Variants in LRRC4C observed in about 807,000 individuals in gnomAD.
The protein encoded by LRRC4C is leucine-rich repeat-containing protein 4C.
In LRRC4C, 5 loss-of-function variants were observed where a neutral mutation model predicts 33.6. The observed-to-expected ratio is 0.15, with a 90% CI of 0.08 to 0.31. The LOEUF (loss-of-function observed/expected upper bound fraction) is 0.31, where lower values mean the gene tolerates loss of function less well. LRRC4C is among the 10% of genes least tolerant of loss of function. The probability of loss-of-function intolerance (pLI) is 1.00; values close to 1 mark genes in which losing one functional copy is unlikely to be tolerated. For synonymous variants in LRRC4C, 329 were observed against 302.0 expected (o/e 1.09, Z -0.93); for missense variants, 560 against 796.7 (o/e 0.70, Z 3.58).
chr11:40,730,768 A>AC, intron 2 of LRRC4C, among the ~76,000 whole-genome samples: 1 of 152,106 alleles, frequency 6.6e-6, no homozygotes, highest in Middle Eastern at 3.4e-3. Flanking sequence ...ATTGAGTGTT[A>AC]CCTTCATTCT....
intron 3 of LRRC4C, among the ~76,000 whole-genome samples, chr11:40,517,561 C>A (rs184670669): frequency 8.1e-4 from 124 of 152,166 alleles, no homozygotes; most frequent in Admixed American, 2.0e-3. Flanking sequence ...CCAATCAGAC[C>A]ACACTGACAG....
At chr11:40,384,595 C>G (rs1339360652) in intron 3 of LRRC4C, among the ~76,000 whole-genome samples, 1 of 152,132 alleles carries the variant, frequency 6.6e-6, no homozygotes, top group African/African-American at 2.4e-5. Flanking sequence ...AACCATCTGA[C>G]AAGAATACCA....
At chr11:41,417,187 A>G (rs757315650) in intron 1 of LRRC4C, among the ~76,000 whole-genome samples, 1 of 152,064 alleles carries the variant, frequency 6.6e-6, no homozygotes, top group African/African-American at 2.4e-5. Context: ...ATCACAGGAT[A>G]TATACTCAGT....
At chr11:41,258,952 G>A (rs1387146815) in intron 1 of LRRC4C, among the ~76,000 whole-genome samples, 1 of 151,950 alleles carries the variant, frequency 6.6e-6, no homozygotes, top group Non-Finnish European at 1.5e-5. Context: ...TTTGCTGGGG[G>A]TTGTAAATTA....
chr11:41,087,847 T>C (rs1237690312), intron 1 of LRRC4C, among the ~76,000 whole-genome samples: 6 of 152,176 alleles, frequency 3.9e-5, no homozygotes, highest in African/African-American at 1.4e-4. Flanking sequence ...GGAAAAAGTC[T>C]TAAGTGTCTG....
intron 2 of LRRC4C, among the ~76,000 whole-genome samples, chr11:40,867,927 A>G (rs531319094): frequency 6.6e-6 from 1 of 152,248 alleles, no homozygotes; most frequent in East Asian, 1.9e-4. Flanking sequence ...GGTGAAACCC[A>G]TGTGACTCCA....
At chr11:40,463,318 G>GTGTGTGTT (rs1952496167) in intron 3 of LRRC4C, among the ~76,000 whole-genome samples, 1 of 149,304 alleles carries the variant, frequency 6.7e-6, no homozygotes, top group South Asian at 2.1e-4. Flanking sequence ...GTGTGTGTGT[G>GTGTGTGTT]TGTGTGTGTG....
chr11:40,807,798 T>A (rs7945942), intron 2 of LRRC4C, among the ~76,000 whole-genome samples: 19,608 of 152,210 alleles, frequency 0.13, 3,739 homozygotes, highest in African/African-American at 0.42. Context: ...ATTCTAATTG[T>A]ATGGGATCTT....
chr11:41,231,376 T>A (rs1396633398), intron 1 of LRRC4C, among the ~76,000 whole-genome samples: 1 of 151,932 alleles, frequency 6.6e-6, no homozygotes, highest in African/African-American at 2.4e-5. Flanking sequence ...CAAATGTCCA[T>A]CAATGATAGA....
intron 6 of LRRC4C, among the ~76,000 whole-genome samples, chr11:40,132,120 A>G (rs1260105945): frequency 6.6e-6 from 1 of 152,218 alleles, no homozygotes; most frequent in Non-Finnish European, 1.5e-5. Context: ...AGTTCCATAC[A>G]AAATAATTGA....
chr11:40,478,176 TAC>T (rs1404431751), intron 3 of LRRC4C, among the ~76,000 whole-genome samples: 3 of 152,194 alleles, frequency 2.0e-5, no homozygotes, highest in African/African-American at 7.2e-5. Flanking sequence ...AATGGACTAA[TAC>T]ACTGTGAGAC....
chr11:41,413,768 G>T (rs894389485), intron 1 of LRRC4C, among the ~76,000 whole-genome samples: 1 of 152,136 alleles, frequency 6.6e-6, no homozygotes, highest in Admixed American at 6.6e-5. Flanking sequence ...CAAAAATTGC[G>T]TGATGCTGGA....
intron 2 of LRRC4C, among the ~76,000 whole-genome samples, chr11:40,749,524 T>G (rs903454166): frequency 2.7e-5 from 4 of 146,314 alleles, no homozygotes; most frequent in Non-Finnish European, 4.5e-5. Flanking sequence ...ATCAAAAAAT[T>G]ATAAAGATAT....
In LRRC4C at chr11:41,087,387, G is replaced by C. The variant is rs117803978; in HGVS notation, c.-495-153664C>G. Among the ~76,000 whole-genome samples the C allele has an allele frequency of 2.4e-4, 36 of 152,188 alleles. 1 individual carries two copies. In the East Asian group the frequency reaches 6.6e-3, roughly 28 times the overall value. On this transcript the variant is annotated intron_variant, in intron 1 of 6. Transcript: ENST00000528697. ...CTCCACCAAACATACACATAAAACT[G>C]TCAAAACCTTCAATGGTCATGAGCA...
intron 3 of LRRC4C, among the ~76,000 whole-genome samples, chr11:40,516,409 C>A (rs1955561172): frequency 6.6e-6 from 1 of 152,042 alleles, no homozygotes. Flanking sequence ...TATGTATGAA[C>A]AAGATTGCTA....
chr11:40,151,004 C>T (rs1013653048), intron 5 of LRRC4C, among the ~76,000 whole-genome samples: 8 of 152,136 alleles, frequency 5.3e-5, no homozygotes, highest in Non-Finnish European at 1.0e-4. Context: ...TTCTGAACTC[C>T]CCACTGCCAT....
chr11:40,643,719 C>T (rs1942263043), intron 3 of LRRC4C, among the ~76,000 whole-genome samples: 1 of 152,122 alleles, frequency 6.6e-6, no homozygotes, highest in Admixed American at 6.5e-5. Flanking sequence ...CAATGGAAGT[C>T]TAATGGGAGC....
chr11:40,946,743 C>T (rs1370642321), intron 1 of LRRC4C, among the ~76,000 whole-genome samples: 1 of 152,116 alleles, frequency 6.6e-6, no homozygotes, highest in Non-Finnish European at 1.5e-5. Context: ...TATGGACTTA[C>T]ATTTGACACT....
At chr11:40,785,632 C>G (rs1002180970) in intron 2 of LRRC4C, among the ~76,000 whole-genome samples, 1 of 152,284 alleles carries the variant, frequency 6.6e-6, no homozygotes, top group African/African-American at 2.4e-5. Flanking sequence ...GAAGCTCCAA[C>G]AGTATATCCA....
Sources: allele counts gnomAD v4.1 joint callset (sites outside exome capture counted in the v4.1 genomes callset), GRCh38; gene constraint gnomAD v4.1.1; transcripts MANE v1.5; gene names NCBI Gene and HGNC (gene_info 2026-07-23, HGNC 2026-07-21).